LHFPL3: variants seen among roughly 807,000 people sequenced by gnomAD.
LHFPL3 encodes the protein LHFPL tetraspan subfamily member 3 protein.
A neutral mutation model predicts 19.3 loss-of-function variants in LHFPL3; 5 were observed. The observed-to-expected ratio is 0.26, with a 90% CI of 0.14 to 0.54. LHFPL3 has a LOEUF of 0.54. LHFPL3 is among the 20% of genes least tolerant of loss of function. The pLI, the probability that LHFPL3 is intolerant of heterozygous loss-of-function variation, is 0.94. For synonymous variants in LHFPL3, 133 were observed against 126.2 expected (o/e 1.05, Z -0.36); for missense variants, 249 against 307.4 (o/e 0.81, Z 1.42).
intron 1 of LHFPL3, among the ~76,000 whole-genome samples, chr7:104,699,926 C>G (rs1793070359): frequency 6.6e-6 from 1 of 152,210 alleles, no homozygotes; most frequent in Non-Finnish European, 1.5e-5. Flanking sequence ...AGCTTGCCCT[C>G]TTCCTCTGAT....
At chr7:104,349,491 T>C (rs897815818) in intron 1 of LHFPL3, among the ~76,000 whole-genome samples, 7 of 152,242 alleles carry the variant, frequency 4.6e-5, no homozygotes, top group Non-Finnish European at 1.0e-4. Flanking sequence ...ATTGCTCAGA[T>C]ACATTGTTCA....
At chr7:104,656,937 G>C (rs1412114955) in intron 1 of LHFPL3, among the ~76,000 whole-genome samples, 1 of 152,118 alleles carries the variant, frequency 6.6e-6, no homozygotes, top group East Asian at 1.9e-4. Flanking sequence ...CTGAACTTTT[G>C]GTTGTTCACA....
intron 1 of LHFPL3, among the ~76,000 whole-genome samples, chr7:104,680,313 C>T (rs775908394): frequency 8.5e-5 from 13 of 152,328 alleles, no homozygotes; most frequent in Non-Finnish European, 1.5e-4. Context: ...GAGTAATTTC[C>T]TGATTGGCCT....
chr7:104,348,744 G>A (rs1790118993), intron 1 of LHFPL3, among the ~76,000 whole-genome samples: 1 of 152,168 alleles, frequency 6.6e-6, no homozygotes, highest in African/African-American at 2.4e-5. Context: ...TGAGCAAGGT[G>A]GGAAGATCTA....
At chr7:104,737,571 T>C (rs992593539) in intron 2 of LHFPL3, among the ~76,000 whole-genome samples, 2 of 152,214 alleles carry the variant, frequency 1.3e-5, no homozygotes, top group African/African-American at 4.8e-5. Context: ...GAATGATACG[T>C]AAATATATCA....
intron 1 of LHFPL3, among the ~76,000 whole-genome samples, chr7:104,554,676 TAGATAGATAGATAGACAGAC>T (rs1434318375): frequency 1.0e-4 from 14 of 139,246 alleles, no homozygotes; most frequent in African/African-American, 4.0e-4. Flanking sequence ...GATAGATAGA[TAGATAGATAGATAGACAGAC>T]AGATGATGAG....
At chr7:104,619,232 CTAA>C in intron 1 of LHFPL3, among the ~76,000 whole-genome samples, 1 of 152,298 alleles carries the variant, frequency 6.6e-6, no homozygotes. Context: ...TTGTTTGTCA[CTAA>C]TAATGTTGAC....
chr7:104,400,104 C>T, intron 1 of LHFPL3, among the ~76,000 whole-genome samples: 1 of 25,738 alleles, frequency 3.9e-5, no homozygotes, highest in South Asian at 2.8e-3. Context: ...AACTCCATCT[C>T]AAAAAAAAAA....
At chr7:104,578,032 A>G (rs1790374491) in intron 1 of LHFPL3, among the ~76,000 whole-genome samples, 1 of 152,212 alleles carries the variant, frequency 6.6e-6, no homozygotes. Context: ...ATAGGATGTC[A>G]GGAAGAATGG....
At chr7:104,820,897 T>C (rs1167244845) in intron 2 of LHFPL3, among the ~76,000 whole-genome samples, 1 of 152,084 alleles carries the variant, frequency 6.6e-6, no homozygotes, top group African/African-American at 2.4e-5. Context: ...TGTCCTGACA[T>C]CAATTTCAAG....
At chr7:104,500,373 TA>T (rs1793577856) in intron 1 of LHFPL3, among the ~76,000 whole-genome samples, 1 of 152,216 alleles carries the variant, frequency 6.6e-6, no homozygotes, top group Non-Finnish European at 1.5e-5. Flanking sequence ...TTTTACCAAG[TA>T]GTGCTTACTA....
intron 1 of LHFPL3, among the ~76,000 whole-genome samples, chr7:104,619,486 A>C (rs559006937): frequency 2.6e-5 from 4 of 152,200 alleles, no homozygotes; most frequent in African/African-American, 9.6e-5. Flanking sequence ...AATTCAATTA[A>C]AGTTCTTATT....
At chr7:104,334,705 C>T (rs1342337810) in intron 1 of LHFPL3, among the ~76,000 whole-genome samples, 1 of 151,932 alleles carries the variant, frequency 6.6e-6, no homozygotes, top group South Asian at 2.1e-4. Context: ...GACTTGACAC[C>T]CTAATTTGTG....
At chr7:104,532,003 G>T (rs775282548) in intron 1 of LHFPL3, among the ~76,000 whole-genome samples, 3 of 152,168 alleles carry the variant, frequency 2.0e-5, no homozygotes, top group Admixed American at 6.5e-5. Flanking sequence ...ATTCCTTCTA[G>T]GTTCTGCTAC....
intron 1 of LHFPL3, among the ~76,000 whole-genome samples, chr7:104,602,044 A>C (rs543650191): frequency 8.0e-5 from 1 of 12,540 alleles, no homozygotes; most frequent in African/African-American, 2.1e-4. Context: ...TTTTTTTCTG[A>C]CAGCCTTGCT....
At chr7:104,401,667 A>G (rs1376495197) in intron 1 of LHFPL3, among the ~76,000 whole-genome samples, 4 of 152,258 alleles carry the variant, frequency 2.6e-5, no homozygotes, top group African/African-American at 9.6e-5. Flanking sequence ...TTTAGAAAAT[A>G]GCAGTCAAGA....
chr7:104,646,829 A>G (rs531931109), intron 1 of LHFPL3, among the ~76,000 whole-genome samples: 1 of 152,280 alleles, frequency 6.6e-6, no homozygotes, highest in East Asian at 1.9e-4. Context: ...TTCAGTATTT[A>G]GCAAACTTCT....
chr7:104,369,801 G>A (rs1187654674), intron 1 of LHFPL3, among the ~76,000 whole-genome samples: 1 of 152,120 alleles, frequency 6.6e-6, no homozygotes. Flanking sequence ...AACTCTTCAT[G>A]TGCTTATTAG....
At chr7:104,585,278 A>G (rs577289259) in intron 1 of LHFPL3, among the ~76,000 whole-genome samples, 1 of 152,232 alleles carries the variant, frequency 6.6e-6, no homozygotes, top group Non-Finnish European at 1.5e-5. Flanking sequence ...CTACCCAAGA[A>G]AACCTCCTTA....
Sources: allele counts gnomAD v4.1 joint callset (sites outside exome capture counted in the v4.1 genomes callset), GRCh38; gene constraint gnomAD v4.1.1; transcripts MANE v1.5; gene names NCBI Gene and HGNC (gene_info 2026-07-23, HGNC 2026-07-21).